TRDN: variants seen among roughly 807,000 people sequenced by gnomAD.
TRDN encodes triadin.
A neutral mutation model predicts 149.7 loss-of-function variants in TRDN; 161 were observed. The observed-to-expected ratio is 1.08, with a 90% CI of 0.95 to 1.23. The LOEUF (loss-of-function observed/expected upper bound fraction) is 1.23, where lower values mean the gene tolerates loss of function less well. TRDN is among the 50% of genes most tolerant of loss of function. The probability of loss-of-function intolerance (pLI) is 0.00; values close to 1 mark genes in which losing one functional copy is unlikely to be tolerated. For synonymous variants in TRDN, 294 were observed against 250.5 expected, an observed-to-expected ratio of 1.17 and a Z score of -1.64; for missense variants, 896 against 823.5, an observed-to-expected ratio of 1.09 and a Z score of -1.08.
At chr6:123,223,991 A>T in intron 39 of TRDN, 102 bp downstream of exon 39, 1 of 1,058,418 alleles carries the variant, frequency 9.4e-7, no homozygotes, top group Non-Finnish European at 1.4e-6. Flanking sequence ...AGAAAAGCTT[A>T]AGACTAGATC....
chr6:123,601,205 A>AT (rs1437721977), intron 1 of TRDN, among the ~76,000 whole-genome samples: 1 of 152,102 alleles, frequency 6.6e-6, no homozygotes, highest in Non-Finnish European at 1.5e-5. Flanking sequence ...AAAGTTTTAT[A>AT]TTTTTCTGGA....
intron 24 of TRDN, among the ~76,000 whole-genome samples, chr6:123,303,488 CAT>C (rs1778502677): frequency 6.6e-6 from 1 of 152,032 alleles, no homozygotes; most frequent in African/African-American, 2.4e-5. Context: ...TAGAAGAAAA[CAT>C]GTGCAAACAG....
At chr6:123,328,738 C>T (rs929030176) in intron 23 of TRDN, among the ~76,000 whole-genome samples, 1 of 152,142 alleles carries the variant, frequency 6.6e-6, no homozygotes, top group Non-Finnish European at 1.5e-5. Context: ...GAACTATTTA[C>T]GGCAACTGTT....
intron 24 of TRDN, among the ~76,000 whole-genome samples, chr6:123,286,943 T>G (rs909859451): frequency 1.3e-5 from 2 of 152,102 alleles, no homozygotes; most frequent in African/African-American, 2.4e-5. Context: ...CCCAGGAATT[T>G]GTCACTTAAC....
At chr6:123,390,301 A>G (rs902839904) in intron 13 of TRDN, among the ~76,000 whole-genome samples, 1 of 152,190 alleles carries the variant, frequency 6.6e-6, no homozygotes, top group African/African-American at 2.4e-5. Context: ...AATTCCTTCA[A>G]GATTAGTAAA....
intron 1 of TRDN, among the ~76,000 whole-genome samples, chr6:123,630,660 A>G (rs917380993): frequency 1.3e-5 from 2 of 151,940 alleles, no homozygotes; most frequent in African/African-American, 2.4e-5. Context: ...CTATGTGCTT[A>G]TGGGGTGGGG....
chr6:123,269,860 G>T lies in TRDN; in HGVS notation c.1727C>A (p.Pro576His). Residue 576 changes from proline (P) to histidine (H), a missense_variant, in exon 31 of 41, where the codon CCC (proline) becomes CAC (histidine). Physicochemically the swap from Pro to His is moderately conservative, Grantham distance 77. Coordinates refer to ENST00000334268, the MANE Select transcript of TRDN (RefSeq NM_006073.4). ...KAVTIEKTAK[P>H]KPTKKAEHRE... ...TATTCATCTCTTACTTGTTGGTTTG[G>T]GCTTGGCTGTGGAGAATGGAGGCAA... 1.9e-6 allele frequency: 3 copies of T among 1,610,308 alleles called. No individual in the cohort carries two copies. Among genetic ancestry groups the T allele is most frequent in the Non-Finnish European group, 2.5e-6 (3 of 1,177,962 alleles).
At chr6:123,253,872 C>G (rs1776462538) in intron 37 of TRDN, among the ~76,000 whole-genome samples, 1 of 152,110 alleles carries the variant, frequency 6.6e-6, no homozygotes, top group Non-Finnish European at 1.5e-5. Context: ...TATCCTTGGG[C>G]TGCTGTGATT....
chr6:123,297,342 A>T (rs1344323693), intron 24 of TRDN, among the ~76,000 whole-genome samples: 1 of 152,042 alleles, frequency 6.6e-6, no homozygotes, highest in Non-Finnish European at 1.5e-5. Context: ...AGGTGATTAA[A>T]GTGATGTTGA....
At chr6:123,384,271 G>C (rs903024351) in intron 14 of TRDN, among the ~76,000 whole-genome samples, 3 of 152,118 alleles carry the variant, frequency 2.0e-5, no homozygotes, top group South Asian at 2.1e-4. Context: ...GTATGAACTT[G>C]ATAGTTCAAT....
At chr6:123,246,313 T>C (rs1388362973) in intron 38 of TRDN, among the ~76,000 whole-genome samples, 4 of 151,050 alleles carry the variant, frequency 2.6e-5, no homozygotes. Context: ...TTTTTTGAAA[T>C]GATTAGCAAA....
intron 24 of TRDN, among the ~76,000 whole-genome samples, chr6:123,311,369 CA>C (rs1327715289): frequency 2.0e-5 from 3 of 151,956 alleles, no homozygotes; most frequent in African/African-American, 7.2e-5. Flanking sequence ...ATGGGGATTA[CA>C]ATTTGAGATG....
intron 33 of TRDN, among the ~76,000 whole-genome samples, chr6:123,263,657 G>A (rs1776846370): frequency 6.6e-6 from 1 of 151,846 alleles, no homozygotes; most frequent in Non-Finnish European, 1.5e-5. Context: ...TTAACAAATA[G>A]CCTTCTATTA....
chr6:123,254,822 G>T, intron 37 of TRDN: 1 of 298,152 alleles, frequency 3.4e-6, no homozygotes, highest in East Asian at 6.8e-5. Context: ...CTTTGTAATT[G>T]ATAATTTTTC....
intron 9 of TRDN, among the ~76,000 whole-genome samples, chr6:123,473,153 A>G (rs1480734935): frequency 2.6e-5 from 4 of 152,240 alleles, no homozygotes; most frequent in Non-Finnish European, 5.9e-5. Context: ...TCTGAGCTAC[A>G]GGAGGACATT....
At chr6:123,233,766 T>C (rs1170338240) in intron 38 of TRDN, among the ~76,000 whole-genome samples, 2 of 152,106 alleles carry the variant, frequency 1.3e-5, no homozygotes, top group Non-Finnish European at 2.9e-5. Context: ...AAAGTGAGAT[T>C]GTTTTAAATC....
At chr6:123,398,810 C>A (rs1391194871) in intron 12 of TRDN, among the ~76,000 whole-genome samples, 1 of 152,056 alleles carries the variant, frequency 6.6e-6, no homozygotes, top group Non-Finnish European at 1.5e-5. Flanking sequence ...TATTTGCAGC[C>A]AGATATGCAA....
At chr6:123,437,623 A>T (rs1774641764) in intron 12 of TRDN, among the ~76,000 whole-genome samples, 1 of 151,200 alleles carries the variant, frequency 6.6e-6, no homozygotes, top group Non-Finnish European at 1.5e-5. Context: ...AAATGTAATC[A>T]TCAAGAAAGA....
chr6:123,598,483 A>G (rs1583305127), intron 1 of TRDN, among the ~76,000 whole-genome samples: 1 of 152,092 alleles, frequency 6.6e-6, no homozygotes, highest in African/African-American at 2.4e-5. Context: ...TTCTAGTTGT[A>G]TACTCCAGCA....
Sources: allele counts gnomAD v4.1 joint callset (sites outside exome capture counted in the v4.1 genomes callset), GRCh38; gene constraint gnomAD v4.1.1; transcripts MANE v1.5; gene names NCBI Gene and HGNC (gene_info 2026-07-23, HGNC 2026-07-21).